The following MCM5 variants were observed in gnomAD, a reference collection of about 807,000 sequenced individuals.
MCM5 encodes the protein DNA replication licensing factor MCM5.
Under a neutral mutation model 79.9 loss-of-function variants are expected in MCM5, and 46 were observed. That is an observed-to-expected ratio of 0.58 (90% CI 0.45 to 0.74). MCM5 has a LOEUF of 0.74. Among genes scored for constraint, MCM5 ranks in the 30% least tolerant of loss-of-function variants. MCM5 has a pLI of 0.00. For synonymous variants in MCM5, 404 were observed against 390.5 expected (o/e 1.03, Z -0.41); for missense variants, 883 against 1,017.0 (o/e 0.87, Z 1.79).
chr22:35,438,499 CCATCCATCCATCTATG>C, the MCM5 span, among the ~76,000 whole-genome samples: 3 of 149,254 alleles, frequency 2.0e-5, no homozygotes, highest in South Asian at 2.2e-4. Context: ...ATCCATCCAT[CCATCCATCCATCTATG>C]CATCCATCCA....
At chr22:35,444,856 A>G in the MCM5 span, among the ~76,000 whole-genome samples, 5 of 152,162 alleles carry the variant, frequency 3.3e-5, no homozygotes, top group African/African-American at 1.2e-4. Flanking sequence ...TATAGAAAAA[A>G]TTTAGAAAAT....
intron 11 of MCM5, 29 bp from the exon 12 acceptor site, chr22:35,416,609 C>T (rs765322508): frequency 6.2e-7 from 1 of 1,600,594 alleles, no homozygotes; most frequent in East Asian, 2.3e-5. Flanking sequence ...GCCATCTCCT[C>T]CCCCTTTTCG....
intron 4 of MCM5, among the ~76,000 whole-genome samples, chr22:35,404,273 A>G (rs1932149558): frequency 6.6e-6 from 1 of 152,240 alleles, no homozygotes; most frequent in Non-Finnish European, 1.5e-5. Flanking sequence ...CATGACTCTT[A>G]CAGCTCGTGT....
At chr22:35,403,715 C>G (rs183600352) in intron 4 of MCM5, among the ~76,000 whole-genome samples, 173 bp downstream of exon 4, 18 of 152,262 alleles carry the variant, frequency 1.2e-4, no homozygotes, top group African/African-American at 3.9e-4. Flanking sequence ...AAATTACACA[C>G]CCAAAAGCAG....
the MCM5 span, among the ~76,000 whole-genome samples, chr22:35,445,993 A>C: frequency 6.6e-6 from 1 of 152,194 alleles, no homozygotes; most frequent in East Asian, 1.9e-4. Flanking sequence ...TTATCTCCAC[A>C]TCTTTCTGCT....
the MCM5 span, among the ~76,000 whole-genome samples, chr22:35,435,330 A>G: frequency 1.3e-5 from 2 of 151,978 alleles, no homozygotes; most frequent in Admixed American, 6.5e-5. Flanking sequence ...CAGAGTGACA[A>G]TGACCCTGGC....
chr22:35,453,052 G>C, the MCM5 span, among the ~76,000 whole-genome samples: 1 of 152,196 alleles, frequency 6.6e-6, no homozygotes, highest in African/African-American at 2.4e-5. Flanking sequence ...TCAGGGGCAG[G>C]GGGAGGGTGA....
At chr22:35,453,718 G>A in the MCM5 span, among the ~76,000 whole-genome samples, 1 of 147,246 alleles carries the variant, frequency 6.8e-6, no homozygotes, top group Admixed American at 6.9e-5. Context: ...AAGGCAGACA[G>A]GGAAGGAGAG....
chr22:35,427,541 A>AT (rs199910857), downstream of MCM5, among the ~76,000 whole-genome samples: 128 of 98,162 alleles, frequency 1.3e-3, no homozygotes, highest in East Asian at 0.032. Flanking sequence ...TTTTATTTTT[A>AT]TTTTTTTCCC....
chr22:35,434,502 A>G, the MCM5 span, among the ~76,000 whole-genome samples: 1 of 152,200 alleles, frequency 6.6e-6, no homozygotes, highest in Non-Finnish European at 1.5e-5. Context: ...TCCTGGACCA[A>G]TCACAGTGGC....
chr22:35,418,672 T>A (rs11912759), intron 13 of MCM5, among the ~76,000 whole-genome samples: 10,460 of 137,610 alleles, frequency 0.076, 1,250 homozygotes, highest in African/African-American at 0.27. Flanking sequence ...AAAAAAAAAA[T>A]ATATATATAT....
Position 35,416,668 on chromosome 22 carries a change from T to C in MCM5, c.1444T>C (p.Cys482Arg). Reference protein sequence around the residue: ...AGITTTLNSRCSVLAAANSVF... With the variant: ...AGITTTLNSRRSVLAAANSVF... ...GATCACCACCACCCTGAACTCCCGC[T>C]GCTCCGTCCTGGCTGCTGCCAACTC... The change falls in exon 12 of 17, where the codon TGC (cysteine) becomes CGC (arginine). Residue 482 changes from cysteine (C) to arginine (R), a missense_variant. Around this residue, in one of 3 missense-constraint regions of MCM5, gnomAD observed 426 missense variants for 482.3 expected, o/e 0.88. Transcript: ENST00000216122. 1 of 1,614,062 alleles carries C rather than the reference T, an allele frequency of 6.2e-7. No individual in the cohort carries two copies. Among genetic ancestry groups the C allele is most frequent in the South Asian group, 1.1e-5 (1 of 91,066 alleles).
intron 13 of MCM5, 145 bp from the exon 14 acceptor site, chr22:35,419,739 T>G: frequency 2.8e-6 from 2 of 705,162 alleles, no homozygotes; most frequent in Non-Finnish European, 4.3e-6. Context: ...TCTTTTCCGA[T>G]TGTTGTCCCC....
intron 15 of MCM5, 47 bp downstream of exon 15, chr22:35,421,507 G>A: frequency 2.5e-6 from 4 of 1,612,466 alleles, no homozygotes; most frequent in Non-Finnish European, 2.5e-6. Context: ...GGGTTCCCTG[G>A]CTCGGAGCTC....
chr22:35,432,838 G>A, the MCM5 span, among the ~76,000 whole-genome samples: 1 of 151,990 alleles, frequency 6.6e-6, no homozygotes, highest in Non-Finnish European at 1.5e-5. Flanking sequence ...AGGCACTCAG[G>A]AGAGCTGGGA....
chr22:35,410,619 C>A, intron 6 of MCM5, 125 bp from the exon 7 acceptor site: 1 of 891,054 alleles, frequency 1.1e-6, no homozygotes, highest in Non-Finnish European at 1.9e-6. Context: ...GCCAGCTCAG[C>A]ATGTGGTGCC....
the MCM5 span, among the ~76,000 whole-genome samples, chr22:35,443,643 C>G: frequency 6.6e-6 from 1 of 152,196 alleles, no homozygotes; most frequent in East Asian, 1.9e-4. Context: ...ACCTTTCCAC[C>G]TTTCCAAATG....
At chr22:35,439,936 C>T in the MCM5 span, among the ~76,000 whole-genome samples, 1 of 152,148 alleles carries the variant, frequency 6.6e-6, no homozygotes, top group Non-Finnish European at 1.5e-5. Flanking sequence ...ACATTGATTG[C>T]AGAACATAGA....
rs548967909 is a variant in MCM5, at chr22:35,417,982, C to T, written c.1703+126C>T. 14 of 667,408 alleles carry T rather than the reference C, an allele frequency of 2.1e-5. No homozygotes were observed. In the East Asian group the frequency reaches 3.8e-4, roughly 18 times the overall value. The allele number at this position is 667,408 out of a possible 1,614,324, so 41.3% of individuals were successfully genotyped here. On this transcript the variant is annotated intron_variant, in intron 13 of 16. Transcript: ENST00000216122. ...CCAGATGTTGCTGTTCTGAGGTTCT[C>T]AGCTCTACTGAATCTGCTCTGCTCC... is the stretch of plus-strand genomic sequence containing the variant.
Sources: allele counts gnomAD v4.1 joint callset (sites outside exome capture counted in the v4.1 genomes callset), GRCh38; gene constraint gnomAD v4.1.1; regional missense constraint gnomAD v4.1.1; transcripts MANE v1.5; gene names NCBI Gene and HGNC (gene_info 2026-07-23, HGNC 2026-07-21).